RMC1: variants seen among roughly 807,000 people sequenced by gnomAD.
The protein encoded by RMC1 is regulator of MON1-CCZ1 complex.
A neutral mutation model predicts 95.5 loss-of-function variants in RMC1; 44 were observed. That is an observed-to-expected ratio of 0.46 (90% CI 0.36 to 0.59). RMC1 has a LOEUF of 0.59. Ranked by LOEUF, RMC1 falls within the 20% of genes least tolerant of loss-of-function variation. RMC1 has a pLI of 0.00. For synonymous variants in RMC1, 320 were observed against 303.6 expected (o/e 1.05, Z -0.56); for missense variants, 705 against 819.6 (o/e 0.86, Z 1.71).
At chr18:23,509,386 T>C (rs989015836) in intron 5 of RMC1, 107 bp downstream of exon 5, 43 of 355,400 alleles carry the variant, frequency 1.2e-4, no homozygotes, top group African/African-American at 9.0e-4. Flanking sequence ...AAACATTTTC[T>C]AGAGATGGAG....
intron 7 of RMC1, among the ~76,000 whole-genome samples, chr18:23,516,804 C>T (rs747623898): frequency 2.0e-5 from 3 of 151,212 alleles, no homozygotes; most frequent in Non-Finnish European, 2.9e-5. Context: ...CGGCTCACTG[C>T]AGCCTCCACC....
intron 9 of RMC1, among the ~76,000 whole-genome samples, chr18:23,519,853 T>C (rs971910749): frequency 1.3e-5 from 2 of 152,010 alleles, no homozygotes; most frequent in Non-Finnish European, 2.9e-5. Flanking sequence ...GCCTCTGATA[T>C]AAAGAAGCTG....
intron 5 of RMC1, among the ~76,000 whole-genome samples, chr18:23,510,303 T>TG (rs1424123895): frequency 6.7e-6 from 1 of 149,718 alleles, no homozygotes; most frequent in South Asian, 2.1e-4. Flanking sequence ...CCAGCCTGGA[T>TG]GACAGTGAGA....
chr18:23,525,637 A>C (rs915636739), intron 12 of RMC1, among the ~76,000 whole-genome samples: 8 of 151,810 alleles, frequency 5.3e-5, no homozygotes, highest in Non-Finnish European at 1.2e-4. Context: ...GTTGGCCAGG[A>C]TGGTCTCGAT....
intron 2 of RMC1, 76 bp downstream of exon 2, chr18:23,504,523 T>C: frequency 1.4e-6 from 2 of 1,400,078 alleles, no homozygotes; most frequent in Non-Finnish European, 2.0e-6. Flanking sequence ...TGGTTTTTTA[T>C]AATTTTGTCA....
chr18:23,530,046 G>C lies in RMC1; in HGVS notation c.1513G>C (p.Val505Leu). 2.5e-6 allele frequency: 4 copies of C among 1,614,052 alleles called. No individual in the cohort carries two copies. Among genetic ancestry groups the C allele is most frequent in the East Asian group, 2.2e-5 (1 of 44,888 alleles). The change falls in exon 17 of 20, where the codon GTT (valine) becomes CTT (leucine). Residue 505 changes from valine to leucine, a missense_variant. Coordinates refer to ENST00000269221, the MANE Select transcript of RMC1 (RefSeq NM_013326.5). ...IAVQHYLHEL[V>L]IKTLVQHNLF... Reference sequence around the variant, plus strand: ...TCCTCAGCATTACCTACATGAACTTGTTATCAAAACCCTTGTCCAGCACAA... The same window carrying C: ...TCCTCAGCATTACCTACATGAACTTCTTATCAAAACCCTTGTCCAGCACAA...
At chr18:23,509,077 C>T (rs2057782821) in intron 4 of RMC1, 116 bp from the exon 5 acceptor site, 1 of 381,386 alleles carries the variant, frequency 2.6e-6, no homozygotes, top group African/African-American at 2.1e-5. Flanking sequence ...AATTAGTAAA[C>T]ATTCCGGGGA....
In RMC1 at chr18:23,530,189, T is replaced by TTATCTTTCCAAC. The variant is rs770676976; in HGVS notation, c.1600-38_1600-27dup. ...GGTTAAAAATGGAAAATTTTAACCG[T>TTATCTTTCCAAC]TATCTTTCCAACTGAAGTGGGTCTA... On this transcript the variant is annotated intron_variant, in intron 17 of 19. Coordinates refer to ENST00000269221, the MANE Select transcript of RMC1 (RefSeq NM_013326.5). The TTATCTTTCCAAC allele has an allele frequency of 9.9e-6, 16 of 1,613,984 alleles. No individual in the cohort carries two copies. The African/African-American group carries it at 1.1e-4, about 11-fold the overall frequency.
chr18:23,505,224 A>AT (rs933810519), intron 2 of RMC1, among the ~76,000 whole-genome samples: 6 of 151,746 alleles, frequency 4.0e-5, no homozygotes, highest in African/African-American at 7.3e-5. Context: ...CGCCCGGCTA[A>AT]TTTTTTTTGT....
intron 5 of RMC1, 30 bp from the exon 6 acceptor site, chr18:23,515,825 TG>T (rs776655983): frequency 6.2e-7 from 1 of 1,613,166 alleles, no homozygotes; most frequent in Non-Finnish European, 8.5e-7. Flanking sequence ...GTTTTTTAAA[TG>T]AAGATCCTGT....
At chr18:23,504,511 A>G (rs1472290138) in intron 2 of RMC1, 64 bp downstream of exon 2, 20 of 1,457,812 alleles carry the variant, frequency 1.4e-5, no homozygotes, top group Non-Finnish European at 1.9e-5. Context: ...TTCTAATTCA[A>G]ATGGTTTTTT....
chr18:23,523,160 C>T (rs998295889), intron 10 of RMC1, among the ~76,000 whole-genome samples: 5 of 152,188 alleles, frequency 3.3e-5, no homozygotes, highest in Non-Finnish European at 5.9e-5. Context: ...TGCCTGGGCT[C>T]TTTCCTACCT....
chr18:23,509,145 T>G, intron 4 of RMC1, 48 bp from the exon 5 acceptor site: 1 of 662,194 alleles, frequency 1.5e-6, no homozygotes, highest in Non-Finnish European at 2.3e-6. Context: ...GAGAGTTATA[T>G]GTGTTTTTTC....
Position 23,530,570 on chromosome 18 carries a change from C to G in RMC1, c.1852C>G (p.Gln618Glu). ...CTATACAATATTCCGCTTTTTTGAA[C>G]AGCGAAACCAGCGTTTGCGAGGGAG... ...LFYTIFRFFEQRNQRLRGSPN... is the reference protein window; with the variant it reads ...LFYTIFRFFEERNQRLRGSPN... Residue 618 changes from glutamine (Q) to glutamate (E), a missense_variant, in exon 19 of 20, where the codon CAG (glutamine) becomes GAG (glutamate). Transcript: ENST00000269221. 6.2e-7 allele frequency: 1 copy of G among 1,614,094 alleles called. No homozygotes were observed. The highest frequency in any genetic ancestry group is 8.5e-7 in the Non-Finnish European group (1 of 1,179,940).
chr18:23,524,140 C>T lies in RMC1; in HGVS notation c.972C>T (p.Ala324=), dbSNP rs780844044. Residue 324 remains alanine, a synonymous_variant, in exon 11 of 20, where the codon GCC becomes GCT. Coordinates refer to ENST00000269221, the MANE Select transcript of RMC1 (RefSeq NM_013326.5). ...TTTCTCAATTTGTAGGTCCTGCTGC[C>T]GTGACCAGCCAGTCTCCTGTTCCAT... ...PYQIPITGPA[A]VTSQSPVPCK... 98 of 1,613,950 alleles carry T rather than the reference C, an allele frequency of 6.1e-5. No individual in the cohort carries two copies. Among genetic ancestry groups the T allele is most frequent in the Non-Finnish European group, 7.3e-5 (86 of 1,180,052 alleles).
chr18:23,504,489 A>G, intron 2 of RMC1, 42 bp downstream of exon 2: 1 of 1,519,902 alleles, frequency 6.6e-7, no homozygotes, highest in Non-Finnish European at 9.1e-7. Context: ...TCATGTAAAC[A>G]GAATGATGTT....
Position 23,520,321 on chromosome 18 carries a change from G to A in RMC1, c.961+8G>A, listed in dbSNP as rs745779942. On this transcript the variant is annotated splice_region_variant and intron_variant, in intron 10 of 19. Coordinates refer to ENST00000269221, the MANE Select transcript of RMC1 (RefSeq NM_013326.5). Reference sequence around the variant, plus strand: ...ATCAGATCCCCATCACAGGTAACACGGGTTCTGTAGAGGAGTCTGTGCTGC... The same window carrying A: ...ATCAGATCCCCATCACAGGTAACACAGGTTCTGTAGAGGAGTCTGTGCTGC... The A allele has an allele frequency of 1.1e-5, 17 of 1,603,654 alleles. No individual in the cohort carries two copies. Among genetic ancestry groups the A allele is most frequent in the South Asian group, 7.7e-5 (7 of 90,684 alleles).
At position 23,503,589 on chromosome 18, in the gene RMC1, G is replaced by GA. The variant is rs772005491; in HGVS notation, c.-30_-29insA. The GA allele has an allele frequency of 2.6e-6, 4 of 1,525,304 alleles. No homozygotes were observed. In the East Asian group the frequency reaches 1.1e-4, roughly 42 times the overall value. The allele number at this position is 1,525,304 out of a possible 1,614,324, so 94.5% of individuals were successfully genotyped here. A position where few individuals can be genotyped will look rare whatever the true frequency, so the allele number is the denominator to read the frequency against. ...CTGCTCCACTCTGGCGACCGCCCCC[G>GA]GGGCCCCCGCCGCGGGCGCGGCGCC... On this transcript the variant is annotated 5_prime_UTR_variant, in exon 1 of 20. Coordinates refer to ENST00000269221, the MANE Select transcript of RMC1 (RefSeq NM_013326.5).
chr18:23,531,510 A>G (rs1166119277), intron 19 of RMC1, 115 bp from the exon 20 acceptor site: 7 of 1,499,198 alleles, frequency 4.7e-6, no homozygotes, highest in South Asian at 1.4e-5. Flanking sequence ...TAGGAAAACA[A>G]TGTATTTTAT....
Sources: allele counts gnomAD v4.1 joint callset (sites outside exome capture counted in the v4.1 genomes callset), GRCh38; gene constraint gnomAD v4.1.1; transcripts MANE v1.5; gene names NCBI Gene and HGNC (gene_info 2026-07-23, HGNC 2026-07-21).